TOP1: variants seen among roughly 807,000 people sequenced by gnomAD.
TOP1 encodes DNA topoisomerase I.
In TOP1, 10 loss-of-function variants were observed where a neutral mutation model predicts 111.1. The observed-to-expected ratio is 0.09, with a 90% CI of 0.06 to 0.15. The LOEUF is 0.15. TOP1 is among the 10% of genes least tolerant of loss of function. TOP1 has a pLI of 1.00. For synonymous variants in TOP1, 271 were observed against 302.9 expected, an observed-to-expected ratio of 0.89 and a Z score of 1.10; for missense variants, 474 against 926.7, an observed-to-expected ratio of 0.51 and a Z score of 6.34.
chr20:41,088,451 G>A (rs1465809590), intron 8 of TOP1, among the ~76,000 whole-genome samples: 1 of 152,116 alleles, frequency 6.6e-6, no homozygotes, highest in Non-Finnish European at 1.5e-5. Context: ...TGCAGTGAGC[G>A]GAGATCACGC....
intron 6 of TOP1, 112 bp from the exon 7 acceptor site, chr20:41,081,053 A>T (rs139823509): frequency 1.5e-4 from 133 of 890,410 alleles, no homozygotes; most frequent in Non-Finnish European, 2.0e-4. Context: ...CCAGCCAAGA[A>T]TAACAGTGAT....
chr20:41,103,197 G>A (rs1329719624), intron 13 of TOP1, among the ~76,000 whole-genome samples: 1 of 152,166 alleles, frequency 6.6e-6, no homozygotes, highest in Non-Finnish European at 1.5e-5. Context: ...TTGCACATAA[G>A]TTAACATTTG....
Position 41,121,854 on chromosome 20 carries a change from C to T in TOP1, c.2045+64C>T. ...AAAAGTGTGCAGCATCTGTCAGGGC[C>T]CCTGGGGCCCTGGCTTTTCGATGGT... is the stretch of plus-strand genomic sequence containing the variant. On this transcript the variant is annotated intron_variant, in intron 19 of 20. Transcript: ENST00000361337. This position sits in a 1 kb window ranked among gnomAD's most constrained non-coding sequence, Gnocchi z 4.2. The T allele has an allele frequency of 5.1e-6, 8 of 1,560,782 alleles. No homozygotes were observed. In the South Asian group the frequency reaches 7.9e-5, roughly 15 times the overall value.
intron 2 of TOP1, among the ~76,000 whole-genome samples, chr20:41,044,898 C>T (rs977602567): frequency 1.3e-5 from 2 of 152,180 alleles, no homozygotes; most frequent in African/African-American, 2.4e-5. Flanking sequence ...TCAGGTGATT[C>T]GACCCTCAGC....
rs2033797584 is a variant in TOP1 at position 41,082,286 on chromosome 20, A to T, written c.507+1046A>T. 6.6e-6 allele frequency among the ~76,000 whole-genome samples: 1 copy of T among 152,218 alleles called. No individual in the cohort carries two copies. The highest frequency in any genetic ancestry group is 6.5e-5 in the Admixed American group (1 of 15,286). On this transcript the variant is annotated intron_variant, in intron 7 of 20. Coordinates refer to ENST00000361337, the MANE Select transcript of TOP1 (RefSeq NM_003286.4). This position sits in a 1 kb window ranked among gnomAD's most constrained non-coding sequence, Gnocchi z 4.1. ...GAATGATGTTAATAATCACAATTAA[A>T]TGTAATAGGTGCTTACCATGTGCCA... is the stretch of plus-strand genomic sequence containing the variant.
chr20:41,122,048 A>G lies in TOP1; in HGVS notation c.2088A>G (p.Glu696=). The part of the protein sequence containing the change: ...SKKKAVQRLE[E]QLMKLEVQAT... ...AGAAGGCTGTTCAGAGACTGGAGGA[A>G]CAGTTGATGAAGCTGGAAGTTCAAG... is the stretch of plus-strand genomic sequence containing the variant. Residue 696 remains glutamate (E), a synonymous_variant, in exon 20 of 21, where the codon GAA becomes GAG. Coordinates refer to ENST00000361337, the MANE Select transcript of TOP1 (RefSeq NM_003286.4). This position sits in a 1 kb window ranked among gnomAD's most constrained non-coding sequence, Gnocchi z 5.4. The G allele has an allele frequency of 1.4e-5, 22 of 1,614,082 alleles. No homozygotes were observed. Among genetic ancestry groups the G allele is most frequent in the East Asian group, 2.2e-5 (1 of 44,884 alleles).
chr20:41,041,935 G>A (rs770791480), intron 2 of TOP1, among the ~76,000 whole-genome samples: 3 of 151,996 alleles, frequency 2.0e-5, no homozygotes, highest in Non-Finnish European at 1.5e-5. Flanking sequence ...TGGAGACAGA[G>A]TCTCCCTTTG....
chr20:41,093,612 C>T (rs1184816003), intron 9 of TOP1, among the ~76,000 whole-genome samples: 2 of 152,158 alleles, frequency 1.3e-5, no homozygotes, highest in Non-Finnish European at 2.9e-5. Context: ...TTTCTTCTCA[C>T]CCATCCCACC....
intron 8 of TOP1, among the ~76,000 whole-genome samples, chr20:41,087,543 A>C (rs1427458213): frequency 6.6e-6 from 1 of 152,196 alleles, no homozygotes; most frequent in Admixed American, 6.5e-5. Context: ...TGTTTTAAGG[A>C]ATTAGTGTTG....
At chr20:41,039,566 C>T (rs2033234159) in intron 2 of TOP1, among the ~76,000 whole-genome samples, 1 of 151,976 alleles carries the variant, frequency 6.6e-6, no homozygotes, top group African/African-American at 2.4e-5. Context: ...GTATTTATTT[C>T]CTGTTATCTT....
chr20:41,077,593 T>C lies in TOP1; in HGVS notation c.291T>C (p.Ser97=). 1 of 1,614,108 alleles carries C rather than the reference T, an allele frequency of 6.2e-7. No homozygotes were observed. The highest frequency in any genetic ancestry group is 8.5e-7 in the Non-Finnish European group (1 of 1,179,942). ...GTTTTACTTTTCAGGTTCGAGCCTC[T>C]GGGGATGCAAAAATAAAGAAGGAGA... ...EKRKEEKVRA[S]GDAKIKKEKE... The change falls in exon 5 of 21, where the codon TCT becomes TCC. Residue 97 remains serine (S), a synonymous_variant. Transcript: ENST00000361337.
chr20:41,098,191 A>G lies in TOP1; in HGVS notation c.853-24A>G. The G allele has an allele frequency of 1.2e-6, 2 of 1,612,946 alleles. No individual in the cohort carries two copies. Among genetic ancestry groups the G allele is most frequent in the Non-Finnish European group, 1.7e-6 (2 of 1,179,138 alleles). ...AGTGTATTTTCGTTGTTTTTCTTTC[A>G]TCTCCCCATTTTCTTTTGACTAGGA... On this transcript the variant is annotated intron_variant, in intron 10 of 20. Transcript: ENST00000361337. This position sits in a 1 kb window ranked among gnomAD's most constrained non-coding sequence, Gnocchi z 5.7.
At position 41,114,266 on chromosome 20, in the gene TOP1, G is replaced by A. The variant is rs570085363; in HGVS notation, c.1638+111G>A. The A allele has an allele frequency of 2.7e-5, 25 of 928,894 alleles. 1 individual carries two copies. The South Asian group carries it at 3.5e-4, about 13-fold the overall frequency. The allele number at this position is 928,894 out of a possible 1,614,324, so 57.5% of individuals were successfully genotyped here. A position where few individuals can be genotyped will look rare whatever the true frequency, so the allele number is the denominator to read the frequency against. On this transcript the variant is annotated intron_variant, in intron 15 of 20. Transcript: ENST00000361337. The surrounding 1 kb of genome is among the most constrained non-coding windows in gnomAD (Gnocchi z 4.5). ...TGCTGGGCACCAGCAAAAGTGACTT[G>A]AGACAGGCAACATGGCACATGCCTG...
In TOP1 at chr20:41,061,316, C is replaced by T; in HGVS notation, c.59-78C>T. 2.2e-6 allele frequency: 3 copies of T among 1,384,214 alleles called. No homozygotes were observed. The highest frequency in any genetic ancestry group is 3.0e-6 in the Non-Finnish European group (3 of 988,144). 85.7% of individuals were successfully genotyped at this position (1,384,214 alleles called of 1,614,324 possible). On this transcript the variant is annotated intron_variant, in intron 2 of 20. Transcript: ENST00000361337. The surrounding 1 kb of genome is among the most constrained non-coding windows in gnomAD (Gnocchi z 4.6). Reference sequence around the variant, plus strand: ...CCATTTGAATCCTGTCATTGTACTTCTTGACCAGCTTGTCAAGGTAGGCAT... The same window carrying T: ...CCATTTGAATCCTGTCATTGTACTTTTTGACCAGCTTGTCAAGGTAGGCAT...
chr20:41,038,657 C>A (rs1261630099), intron 2 of TOP1, among the ~76,000 whole-genome samples: 2 of 152,094 alleles, frequency 1.3e-5, no homozygotes, highest in Non-Finnish European at 2.9e-5. Context: ...GCATACACAC[C>A]ACTTTGTTTG....
Position 41,106,884 on chromosome 20 carries a change from ATTTC to A in TOP1, c.1308+5535_1308+5538del, listed in dbSNP as rs916942273. Among the ~76,000 whole-genome samples, 15 of 152,234 alleles carry A rather than the reference ATTTC, an allele frequency of 9.9e-5. No homozygotes were observed. The highest frequency in any genetic ancestry group is 4.6e-4 in the Admixed American group (7 of 15,288). ...TTCATTTTCAGTTCATATATTTCAT[ATTTC>A]TTTAAGTTTTAATTTTTATTTTTAA... On this transcript the variant is annotated intron_variant, in intron 13 of 20. Coordinates refer to ENST00000361337, the MANE Select transcript of TOP1 (RefSeq NM_003286.4). This position sits in a 1 kb window ranked among gnomAD's most constrained non-coding sequence, Gnocchi z 4.3.
chr20:41,097,140 A>C lies in TOP1; in HGVS notation c.731-80A>C. On this transcript the variant is annotated intron_variant, in intron 9 of 20. Coordinates refer to ENST00000361337, the MANE Select transcript of TOP1 (RefSeq NM_003286.4). The surrounding 1 kb of genome is among the most constrained non-coding windows in gnomAD (Gnocchi z 4.2). ...CCATGAGAAGGCAAACCATTATTAA[A>C]GAGAATTCGCTAGCCCTGGGTATTT... is the stretch of plus-strand genomic sequence containing the variant. 3 of 1,505,588 alleles carry C rather than the reference A, an allele frequency of 2.0e-6. No homozygotes were observed. The highest frequency in any genetic ancestry group is 9.0e-7 in the Non-Finnish European group (1 of 1,114,330). The allele number at this position is 1,505,588 out of a possible 1,614,324, so 93.3% of individuals were successfully genotyped here.
chr20:41,054,797 A>G (rs932476269), intron 2 of TOP1, among the ~76,000 whole-genome samples: 2 of 152,230 alleles, frequency 1.3e-5, no homozygotes, highest in African/African-American at 2.4e-5. Context: ...TCTTCAGAAT[A>G]TATTTCTGAA....
intron 2 of TOP1, among the ~76,000 whole-genome samples, chr20:41,048,960 T>C (rs1568675053): frequency 6.6e-6 from 1 of 152,116 alleles, no homozygotes; most frequent in African/African-American, 2.4e-5. Context: ...GAGAAGGTTG[T>C]AAAATAAGAC....
Sources: gnomAD v4.1 joint callset for allele counts (sites outside exome capture counted in the v4.1 genomes callset) on GRCh38, gnomAD v4.1.1 for gene constraint, Gnocchi (gnomAD v3.1) non-coding constraint, MANE v1.5 for transcripts, NCBI Gene and HGNC (gene_info 2026-07-23, HGNC 2026-07-21) for gene names.